Variants in TMED8 observed in about 807,000 individuals in gnomAD.
TMED8 encodes the protein protein TMED8.
In TMED8, 15 loss-of-function variants were observed where a neutral mutation model predicts 32.7. The ratio of observed to expected loss-of-function variants is 0.46; its 90% CI spans 0.31 to 0.71. TMED8 has a LOEUF of 0.71. TMED8 is among the 30% of genes least tolerant of loss of function. TMED8 has a pLI of 0.06. For synonymous variants in TMED8, 147 were observed against 161.4 expected (o/e 0.91, Z 0.68); for missense variants, 390 against 423.9 (o/e 0.92, Z 0.70).
Position 77,341,240 on chromosome 14 carries a change from G to A in TMED8, c.*531C>T, listed in dbSNP as rs1257966368. Reference sequence around the variant, plus strand: ...GGCAGTGTGGTCTCCCAGCTATGCAGAGACCAAGAATAACCAGCAGGCAGG... The same window carrying A: ...GGCAGTGTGGTCTCCCAGCTATGCAAAGACCAAGAATAACCAGCAGGCAGG... On this transcript the variant is annotated 3_prime_UTR_variant, in exon 6 of 6. Coordinates refer to ENST00000216468, the MANE Select transcript of TMED8 (RefSeq NM_213601.3). 1 of 162,318 alleles carries A rather than the reference G, an allele frequency of 6.2e-6. No homozygotes were observed. The highest frequency in any genetic ancestry group is 2.4e-5 in the African/African-American group (1 of 41,524). 10.1% of individuals were successfully genotyped at this position (162,318 alleles called of 1,614,324 possible).
At position 77,343,170 on chromosome 14, in the gene TMED8, A is replaced by G. The variant is rs1335472187; in HGVS notation, c.760+8T>C. The G allele has an allele frequency of 1.9e-6, 3 of 1,608,892 alleles. No homozygotes were observed. Among genetic ancestry groups the G allele is most frequent in the Non-Finnish European group, 2.5e-6 (3 of 1,176,974 alleles). On this transcript the variant is annotated splice_region_variant and intron_variant, in intron 5 of 5. Coordinates refer to ENST00000216468, the MANE Select transcript of TMED8 (RefSeq NM_213601.3). ...GAAAACTGCAAATTAGGTTAAAATTAAATTTACCTTCAATCTCTTCCTCCT... is the reference window on the plus strand; with the variant it reads ...GAAAACTGCAAATTAGGTTAAAATTGAATTTACCTTCAATCTCTTCCTCCT...
Position 77,366,576 on chromosome 14 carries a change from C to G in TMED8, c.118+10360G>C, listed in dbSNP as rs1480478633. Among the ~76,000 whole-genome samples the G allele has an allele frequency of 3.3e-5, 5 of 152,182 alleles. No individual in the cohort carries two copies. In the East Asian group the frequency reaches 9.6e-4, roughly 29 times the overall value. On this transcript the variant is annotated intron_variant, in intron 1 of 5. Coordinates refer to ENST00000216468, the MANE Select transcript of TMED8 (RefSeq NM_213601.3). Reference sequence around the variant, plus strand: ...ACTTATATGGCTTGTAAAAAGAACTCTGACAAAAATTCCTGGATAGAATTT... The same window carrying G: ...ACTTATATGGCTTGTAAAAAGAACTGTGACAAAAATTCCTGGATAGAATTT...
chr14:77,351,012 A>G (rs1482647974), intron 2 of TMED8, among the ~76,000 whole-genome samples: 1 of 152,140 alleles, frequency 6.6e-6, no homozygotes, highest in African/African-American at 2.4e-5. Context: ...ACTGACCTGG[A>G]GCAGGGAGGC....
At chr14:77,361,067 T>C (rs1893424636) in intron 1 of TMED8, among the ~76,000 whole-genome samples, 1 of 150,074 alleles carries the variant, frequency 6.7e-6, no homozygotes, top group Non-Finnish European at 1.5e-5. Flanking sequence ...ACAACCTCTG[T>C]CTCCCAGGTT....
chr14:77,350,595 A>G (rs960926856), intron 2 of TMED8, among the ~76,000 whole-genome samples: 1 of 152,198 alleles, frequency 6.6e-6, no homozygotes, highest in African/African-American at 2.4e-5. Context: ...GACATCTAAA[A>G]TTGTCTCTTT....
chr14:77,376,876 C>G lies in TMED8; in HGVS notation c.118+60G>C. On this transcript the variant is annotated intron_variant, in intron 1 of 5. Transcript: ENST00000216468. The surrounding 1 kb of genome is among the most constrained non-coding windows in gnomAD (Gnocchi z 4.0). ...GACAGAGCGCGGCGGAGGCTCGCGC[C>G]GTGGTGCGGGGCCCTGAGGCCGGGC... The G allele has an allele frequency of 9.2e-7, 1 of 1,087,320 alleles. No individual in the cohort carries two copies. The highest frequency in any genetic ancestry group is 1.2e-6 in the Non-Finnish European group (1 of 823,270). 67.4% of individuals were successfully genotyped at this position (1,087,320 alleles called of 1,614,324 possible). A position where few individuals can be genotyped will look rare whatever the true frequency, so the allele number is the denominator to read the frequency against.
chr14:77,372,227 T>C (rs1057415680), intron 1 of TMED8, among the ~76,000 whole-genome samples: 1 of 152,242 alleles, frequency 6.6e-6, no homozygotes, highest in Admixed American at 6.5e-5. Context: ...ACTTATTTTA[T>C]ATTTGACAAC....
chr14:77,346,764 T>TTTG (rs1348676370), intron 2 of TMED8, among the ~76,000 whole-genome samples: 46 of 134,156 alleles, frequency 3.4e-4, no homozygotes, highest in African/African-American at 1.4e-3. Context: ...GGTCTGGTTT[T>TTTG]TTTTTTTTTT....
chr14:77,357,216 T>G (rs1442398406), intron 1 of TMED8, among the ~76,000 whole-genome samples: 3 of 152,152 alleles, frequency 2.0e-5, no homozygotes, highest in African/African-American at 7.2e-5. Context: ...ATTCCAGAAG[T>G]AACATATGTA....
At chr14:77,359,659 A>G (rs1178261233) in intron 1 of TMED8, 1 of 320,750 alleles carries the variant, frequency 3.1e-6, no homozygotes. Flanking sequence ...CCTGGCCTCA[A>G]CGCCATTCTG....
intron 1 of TMED8, among the ~76,000 whole-genome samples, chr14:77,353,059 C>A (rs1893215248): frequency 6.6e-6 from 1 of 152,184 alleles, no homozygotes; most frequent in Non-Finnish European, 1.5e-5. Flanking sequence ...TATGGCTGGT[C>A]TTATCACAGC....
intron 1 of TMED8, among the ~76,000 whole-genome samples, chr14:77,363,066 AACTAGACAGAAAAGT>A (rs1160806103): frequency 6.6e-6 from 1 of 152,232 alleles, no homozygotes; most frequent in South Asian, 2.1e-4. Context: ...TGGATACATC[AACTAGACAGAAAAGT>A]AATAAGGAAA....
At chr14:77,344,136 C>G (rs985001513) in intron 3 of TMED8, among the ~76,000 whole-genome samples, 1 of 152,240 alleles carries the variant, frequency 6.6e-6, no homozygotes, top group Non-Finnish European at 1.5e-5. Flanking sequence ...TTTGCATTGA[C>G]TGTGATTCTG....
intron 1 of TMED8, among the ~76,000 whole-genome samples, chr14:77,372,952 A>ATATATTTTT (rs1555360928): frequency 7.0e-5 from 1 of 14,308 alleles, no homozygotes; most frequent in Non-Finnish European, 1.1e-4. Flanking sequence ...ATATATATAT[A>ATATATTTTT]TTTTTTTTTT....
chr14:77,375,186 G>C (rs1360491561), intron 1 of TMED8, among the ~76,000 whole-genome samples: 1 of 152,036 alleles, frequency 6.6e-6, no homozygotes, highest in Non-Finnish European at 1.5e-5. Context: ...TCAAGAGGAA[G>C]AGCTTGCTCT....
At chr14:77,353,421 T>C (rs1893222637) in intron 1 of TMED8, among the ~76,000 whole-genome samples, 1 of 150,744 alleles carries the variant, frequency 6.6e-6, no homozygotes, top group Non-Finnish European at 1.5e-5. Flanking sequence ...CAAGATCTAT[T>C]TTTCTTTTCT....
At chr14:77,366,108 C>T (rs555717467) in intron 1 of TMED8, among the ~76,000 whole-genome samples, 2 of 152,346 alleles carry the variant, frequency 1.3e-5, no homozygotes, top group East Asian at 1.9e-4. Flanking sequence ...CTGGATTATA[C>T]TCTTTCCCTT....
rs1462049276 is a variant in TMED8, at chr14:77,359,995, A to G, written c.119-8244T>C. The G allele has an allele frequency of 1.9e-5, 3 of 156,836 alleles. No homozygotes were observed. The Admixed American group carries it at 2.0e-4, about 10-fold the overall frequency. The allele number at this position is 156,836 out of a possible 1,614,324, so 9.7% of individuals were successfully genotyped here. ...GAACTCCATTCATGGTGTGTCTGGAAAAGATTACACAGATCTTCCTCATTA... is the reference window on the plus strand; with the variant it reads ...GAACTCCATTCATGGTGTGTCTGGAGAAGATTACACAGATCTTCCTCATTA... On this transcript the variant is annotated intron_variant, in intron 1 of 5. Transcript: ENST00000216468.
chr14:77,366,669 GT>G (rs1198760725), intron 1 of TMED8, among the ~76,000 whole-genome samples: 1 of 152,114 alleles, frequency 6.6e-6, no homozygotes, highest in Non-Finnish European at 1.5e-5. Flanking sequence ...GATCATCTTT[GT>G]TATTATAACC....
Sources: allele counts gnomAD v4.1 joint callset (sites outside exome capture counted in the v4.1 genomes callset), GRCh38; gene constraint gnomAD v4.1.1; non-coding constraint Gnocchi (gnomAD v3.1); transcripts MANE v1.5; gene names NCBI Gene and HGNC (gene_info 2026-07-23, HGNC 2026-07-21).